The following NUP214 variants were observed in gnomAD, a reference collection of about 807,000 sequenced individuals.
NUP214 encodes nuclear pore complex protein Nup214.
NUP214 carries 79 observed loss-of-function variants against 196.2 expected under a neutral mutation model. The observed-to-expected ratio is 0.40, with a 90% CI of 0.34 to 0.49. The LOEUF (loss-of-function observed/expected upper bound fraction) is 0.49. Among genes scored for constraint, NUP214 ranks in the 20% least tolerant of loss-of-function variants. NUP214 has a pLI of 0.58. For synonymous variants in NUP214, 1,020 were observed against 990.5 expected, an observed-to-expected ratio of 1.03 and a Z score of -0.56; for missense variants, 2,468 against 2,539.0, an observed-to-expected ratio of 0.97 and a Z score of 0.60.
intron 10 of NUP214, 32 bp from the exon 11 acceptor site, chr9:131,140,517 G>C (rs1035441070): frequency 1.0e-5 from 16 of 1,586,196 alleles, no homozygotes; most frequent in Middle Eastern, 3.4e-4. Context: ...AAATTCACTT[G>C]GTTTTTTTAT....
In NUP214 at chr9:131,139,244, T is replaced by TTC. The variant is rs370071142; in HGVS notation, c.1006-35_1006-34dup. The TTC allele has an allele frequency of 6.4e-5, 93 of 1,459,480 alleles. No homozygotes were observed. The African/African-American group carries it at 1.2e-3, about 19-fold the overall frequency. 90.4% of individuals were successfully genotyped at this position (1,459,480 alleles called of 1,614,324 possible). A position where few individuals can be genotyped will look rare whatever the true frequency, so the allele number is the denominator to read the frequency against. On this transcript the variant is annotated intron_variant, in intron 9 of 35. Transcript: ENST00000359428. ...AACCAACATGGCTTTTTCTTTTTTC[T>TTC]TCTTCTTCTTCTTTTTTTTTTTTTT...
At chr9:131,160,851 G>A (rs1164146084) in intron 18 of NUP214, among the ~76,000 whole-genome samples, 1 of 152,228 alleles carries the variant, frequency 6.6e-6, no homozygotes, top group Non-Finnish European at 1.5e-5. Context: ...CACTATCTAA[G>A]GGGAGAATTC....
chr9:131,226,499 C>T (rs1193666182), intron 32 of NUP214, among the ~76,000 whole-genome samples: 1 of 151,916 alleles, frequency 6.6e-6, no homozygotes, highest in Non-Finnish European at 1.5e-5. Flanking sequence ...TTTCACTCAC[C>T]TTCCACCAAG....
chr9:131,213,812 A>AC (rs1015100390), intron 30 of NUP214, among the ~76,000 whole-genome samples: 1 of 150,328 alleles, frequency 6.7e-6, no homozygotes, highest in Non-Finnish European at 1.5e-5. Flanking sequence ...GGGGAAAAAA[A>AC]AGAGACTAGG....
chr9:131,208,843 C>T (rs904152522), intron 30 of NUP214, among the ~76,000 whole-genome samples: 37 of 150,024 alleles, frequency 2.5e-4, no homozygotes, highest in African/African-American at 6.4e-4. Context: ...GGTGACACAC[C>T]GTCTCTACTA....
chr9:131,203,758 T>C (rs985575038), intron 30 of NUP214, among the ~76,000 whole-genome samples: 19 of 152,040 alleles, frequency 1.2e-4, no homozygotes, highest in Admixed American at 1.2e-3. Flanking sequence ...ACCAATAAAC[T>C]AACAAGGTAT....
intron 30 of NUP214, among the ~76,000 whole-genome samples, chr9:131,208,894 T>C (rs1311477341): frequency 1.3e-5 from 2 of 150,288 alleles, no homozygotes; most frequent in Admixed American, 6.7e-5. Context: ...TCGCCGGTAG[T>C]CCCAGCTACT....
chr9:131,168,743 G>T (rs1024179659), intron 21 of NUP214, among the ~76,000 whole-genome samples: 2 of 152,100 alleles, frequency 1.3e-5, no homozygotes, highest in Non-Finnish European at 2.9e-5. Context: ...ATCAATAATT[G>T]ATTTTTGTGT....
At position 131,201,725 on chromosome 9, in the gene NUP214, T is replaced by A. The variant is rs748410147; in HGVS notation, c.5592+8T>A. 2 of 1,610,536 alleles carry A rather than the reference T, an allele frequency of 1.2e-6. No homozygotes were observed. Among genetic ancestry groups the A allele is most frequent in the Non-Finnish European group, 8.5e-7 (1 of 1,176,698 alleles). ...GGAATAGTCTTTGGCCAGGTAAATA[T>A]GCATTTGTCTTCATTCACGTCAACA... On this transcript the variant is annotated splice_region_variant and intron_variant, in intron 30 of 35. Coordinates refer to ENST00000359428, the MANE Select transcript of NUP214 (RefSeq NM_005085.4).
Position 131,133,208 on chromosome 9 carries a change from C to G in NUP214, c.830C>G (p.Pro277Arg). The change falls in exon 7 of 36, where the codon CCG (proline) becomes CGG (arginine). Residue 277 changes from proline to arginine, a missense_variant and splice_region_variant. By Grantham distance (103) the Pro-to-Arg change is moderately radical. Transcript: ENST00000359428. ...TSPDVVMALLPKKEEKHPEIF... is the reference protein window; with the variant it reads ...TSPDVVMALLRKKEEKHPEIF... ...CCAGATGTGGTGATGGCTCTACTAC[C>G]GGTATGCCTGTGGAAGAAATTTCAT... 6.6e-7 allele frequency: 1 copy of G among 1,514,368 alleles called. No homozygotes were observed. The highest frequency in any genetic ancestry group is 8.8e-7 in the Non-Finnish European group (1 of 1,130,564). The allele number at this position is 1,514,368 out of a possible 1,614,324, so 93.8% of individuals were successfully genotyped here.
chr9:131,223,711 T>TTA (rs1554742593), intron 32 of NUP214, among the ~76,000 whole-genome samples: 115 of 27,138 alleles, frequency 4.2e-3, no homozygotes, highest in East Asian at 0.02. Context: ...TTTTTTTTAT[T>TTA]TTTATTTATT....
At position 131,150,922 on chromosome 9, in the gene NUP214, A is replaced by C. The variant is rs537630265; in HGVS notation, c.2277+157A>C. The stretch of plus-strand genomic sequence containing the variant: ...AGCTTGCCTAGAATCCCTGAGTTCA[A>C]ATCCTACCTTCAGCACTTAATAAAT... On this transcript the variant is annotated intron_variant, in intron 16 of 35. Coordinates refer to ENST00000359428, the MANE Select transcript of NUP214 (RefSeq NM_005085.4). Among the ~76,000 whole-genome samples the C allele has an allele frequency of 2.0e-5, 3 of 152,280 alleles. No individual in the cohort carries two copies. The East Asian group carries it at 5.8e-4, about 29-fold the overall frequency.
rs1832020917 is a variant in NUP214, at chr9:131,144,478, A to G, written c.1493A>G (p.Glu498Gly). The change falls in exon 12 of 36, where the codon GAG (glutamate) becomes GGG (glycine). Residue 498 changes from glutamate to glycine, a missense_variant. Physicochemically the swap from Glu to Gly is moderately conservative, Grantham distance 98. Transcript: ENST00000359428. ...AAGTCATCTGCTACGGTCACTGGGGAGCCCCCTTCATATTCCAGTGGCTCC... is the reference window on the plus strand; with the variant it reads ...AAGTCATCTGCTACGGTCACTGGGGGGCCCCCTTCATATTCCAGTGGCTCC... ...SLKSSATVTGEPPSYSSGSDS... is the reference protein window; with the variant it reads ...SLKSSATVTGGPPSYSSGSDS... 1 of 1,613,782 alleles carries G rather than the reference A, an allele frequency of 6.2e-7. No homozygotes were observed. The highest frequency in any genetic ancestry group is 1.3e-5 in the African/African-American group (1 of 74,806).
In NUP214 at chr9:131,139,419, C is replaced by T; in HGVS notation, c.1132+12C>T. The T allele has an allele frequency of 6.2e-7, 1 of 1,600,690 alleles. No individual in the cohort carries two copies. The highest frequency in any genetic ancestry group is 8.5e-7 in the Non-Finnish European group (1 of 1,175,924). ...GGAAATCACCATCAGTAAGTGTAGC[C>T]TGGTAGTTAGTGCAGAAATAGTCTT... On this transcript the variant is annotated intron_variant, in intron 10 of 35. Transcript: ENST00000359428.
intron 30 of NUP214, among the ~76,000 whole-genome samples, chr9:131,212,524 C>T (rs756427546): frequency 1.3e-5 from 2 of 152,136 alleles, no homozygotes; most frequent in Admixed American, 6.5e-5. Context: ...TGTTCTTTCC[C>T]TTTATTTCTC....
In NUP214 at chr9:131,198,134, C is replaced by T; in HGVS notation, c.4640C>T (p.Ala1547Val). The change falls in exon 29 of 36, where the codon GCA becomes GTA. Residue 1547 changes from alanine (A) to valine (V), a missense_variant. By Grantham distance (64) the Ala-to-Val change is moderately conservative. This residue lies in a region of NUP214 where 1,801 missense variants were observed against 1,779.4 expected (regional missense o/e 1.01). Transcript: ENST00000359428. The part of the protein sequence containing the change: ...VKKEPVLAQP[A>V]VSNSGTAASS... Reference sequence around the variant, plus strand: ...AAAGAACCTGTTCTTGCCCAGCCTGCAGTCAGCAACTCTGGCACTGCAGCA... The same window carrying T: ...AAAGAACCTGTTCTTGCCCAGCCTGTAGTCAGCAACTCTGGCACTGCAGCA... The T allele has an allele frequency of 6.2e-7, 1 of 1,614,228 alleles. No individual in the cohort carries two copies. The highest frequency in any genetic ancestry group is 8.5e-7 in the Non-Finnish European group (1 of 1,180,040).
At position 131,189,119 on chromosome 9, in the gene NUP214, G is replaced by A. The variant is rs769897209; in HGVS notation, c.3562G>A (p.Asp1188Asn). The A allele has an allele frequency of 3.7e-6, 6 of 1,614,032 alleles. No homozygotes were observed. The highest frequency in any genetic ancestry group is 4.2e-6 in the Non-Finnish European group (5 of 1,179,918). Residue 1188 changes from aspartate (D) to asparagine (N), a missense_variant, in exon 26 of 36, where the codon GAC becomes AAC. This residue lies in a region of NUP214 where 1,801 missense variants were observed against 1,779.4 expected (regional missense o/e 1.01). Transcript: ENST00000359428. ...TPASGQLSSG[D>N]KASGTAKIET... is the part of the protein sequence containing the mutation. ...AGCATCCGGTCAGTTATCATCTGGT[G>A]ACAAAGCTTCAGGTCAGTTTGCATT...
At chr9:131,223,735 T>TTA (rs1353238432) in intron 32 of NUP214, among the ~76,000 whole-genome samples, 23 of 13,138 alleles carry the variant, frequency 1.8e-3, no homozygotes, top group African/African-American at 2.2e-3. Context: ...TTATTTTTTT[T>TTA]TTTTTTTTTT....
At chr9:131,161,665 A>C (rs1317906125) in intron 18 of NUP214, among the ~76,000 whole-genome samples, 1 of 152,162 alleles carries the variant, frequency 6.6e-6, no homozygotes, top group Admixed American at 6.5e-5. Context: ...ATAAATCCAG[A>C]GGTTTCTGTT....
Sources: gnomAD v4.1 joint callset for allele counts (sites outside exome capture counted in the v4.1 genomes callset) on GRCh38, gnomAD v4.1.1 for gene constraint, gnomAD v4.1.1 regional missense constraint, MANE v1.5 for transcripts, NCBI Gene and HGNC (gene_info 2026-07-23, HGNC 2026-07-21) for gene names.